Variants in UGT2A3 observed in about 807,000 individuals in gnomAD.
UGT2A3 encodes UDP-glucuronosyltransferase 2A3.
Under a neutral mutation model 44.1 loss-of-function variants are expected in UGT2A3, and 55 were observed. That is an observed-to-expected ratio of 1.25 (90% confidence interval 1.00 to 1.56). The LOEUF (loss-of-function observed/expected upper bound fraction) is 1.56. Among genes scored for constraint, UGT2A3 ranks in the 40% most tolerant of loss-of-function variants. UGT2A3 has a pLI of 0.00. For missense variants in UGT2A3, 733 were observed against 621.6 expected (o/e 1.18, Z -1.91); for synonymous variants, 243 against 215.1 (o/e 1.13, Z -1.13).
intron 2 of UGT2A3, among the ~76,000 whole-genome samples, chr4:68,939,248 C>T (rs559279728): frequency 2.6e-5 from 4 of 152,194 alleles, no homozygotes; most frequent in East Asian, 1.9e-4. Context: ...CAAGACAATC[C>T]TAAGCAAAAA....
At chr4:68,944,110 G>A (rs2109791641) in intron 2 of UGT2A3, among the ~76,000 whole-genome samples, 1 of 151,900 alleles carries the variant, frequency 6.6e-6, no homozygotes, top group African/African-American at 2.4e-5. Context: ...GTTATTTTAT[G>A]TGTTTGGTTA....
At chr4:68,950,539 A>G (rs1396294139) in intron 1 of UGT2A3, among the ~76,000 whole-genome samples, 1 of 151,870 alleles carries the variant, frequency 6.6e-6, no homozygotes, top group Non-Finnish European at 1.5e-5. Context: ...CTACTATCTT[A>G]TGCCCCACAA....
At position 68,932,753 on chromosome 4, in the gene UGT2A3, C is replaced by T. The variant is rs149346287; in HGVS notation, c.871G>A (p.Glu291Lys). 6.2e-7 allele frequency: 1 copy of T among 1,604,016 alleles called. No homozygotes were observed. Among genetic ancestry groups the T allele is most frequent in the Non-Finnish European group, 8.5e-7 (1 of 1,175,072 alleles). Residue 291 changes from glutamate (E) to lysine (K), a missense_variant, in exon 3 of 6, where the codon GAA (glutamate) becomes AAA (lysine). Transcript: ENST00000251566. ...TCCCCTGAACTCTGGACAAAATTTT[C>T]CATTTCCTGAAGATAAAAATTTATC... is the stretch of plus-strand genomic sequence containing the variant. ...KPAKALPKEMENFVQSSGEDG... is the reference protein window; with the variant it reads ...KPAKALPKEMKNFVQSSGEDG...
At position 68,951,301 on chromosome 4, in the gene UGT2A3, A is replaced by G. The variant is rs762309938; in HGVS notation, c.460T>C (p.Cys154Arg). Residue 154 changes from cysteine (C) to arginine (R), a missense_variant, in exon 1 of 6, where the codon TGT (cysteine) becomes CGT (arginine). Transcript: ENST00000251566. ...AGCAACTCAGCCATCAGGTCTCCAC[A>G]GGGAATCACAGGGTCTATAAGCATT... ...DVMLIDPVIP[C>R]GDLMAELLAV... The G allele has an allele frequency of 3.1e-6, 5 of 1,612,398 alleles. No individual in the cohort carries two copies. Among genetic ancestry groups the G allele is most frequent in the Admixed American group, 3.3e-5 (2 of 59,774 alleles).
At chr4:68,947,750 T>C (rs1174768606) in intron 1 of UGT2A3, among the ~76,000 whole-genome samples, 2 of 151,936 alleles carry the variant, frequency 1.3e-5, no homozygotes, top group Non-Finnish European at 2.9e-5. Flanking sequence ...AGGCAAACAT[T>C]AATATCTGTA....
At chr4:68,948,442 T>C (rs1408527016) in intron 1 of UGT2A3, among the ~76,000 whole-genome samples, 3 of 110,794 alleles carry the variant, frequency 2.7e-5, no homozygotes, top group Non-Finnish European at 6.1e-5. Context: ...TTTTTTTCTT[T>C]TTTTTTTTTT....
intron 3 of UGT2A3, 123 bp from the exon 4 acceptor site, chr4:68,931,365 T>G: frequency 1.4e-6 from 1 of 689,798 alleles, no homozygotes; most frequent in Non-Finnish European, 2.4e-6. Flanking sequence ...CAGGGGTGTG[T>G]AGAGCTACCG....
chr4:68,941,086 T>A (rs1206272281), intron 2 of UGT2A3, among the ~76,000 whole-genome samples: 2 of 151,702 alleles, frequency 1.3e-5, no homozygotes, highest in Admixed American at 1.3e-4. Flanking sequence ...AAGAGCTAGT[T>A]GTTTTACAAA....
At chr4:68,936,074 A>C (rs1448672239) in intron 2 of UGT2A3, among the ~76,000 whole-genome samples, 1 of 152,150 alleles carries the variant, frequency 6.6e-6, no homozygotes, top group Non-Finnish European at 1.5e-5. Flanking sequence ...GAAAAGACCA[A>C]ATATATGTTT....
intron 1 of UGT2A3, among the ~76,000 whole-genome samples, chr4:68,949,974 C>A (rs1718519426): frequency 6.6e-6 from 1 of 151,886 alleles, no homozygotes; most frequent in African/African-American, 2.4e-5. Context: ...GGAAAATGCT[C>A]TTTCACCCCT....
intron 2 of UGT2A3, among the ~76,000 whole-genome samples, chr4:68,940,705 T>C (rs549988925): frequency 1.4e-5 from 2 of 147,990 alleles, no homozygotes; most frequent in Non-Finnish European, 3.0e-5. Flanking sequence ...TATATATATA[T>C]AAAACTTAAA....
intron 1 of UGT2A3, 45 bp downstream of exon 1, chr4:68,951,001 A>C: frequency 7.4e-7 from 1 of 1,347,454 alleles, no homozygotes. Flanking sequence ...TTTTAAAAAT[A>C]TTTCTTTTGA....
intron 1 of UGT2A3, among the ~76,000 whole-genome samples, chr4:68,949,099 A>G (rs1718488629): frequency 6.6e-6 from 1 of 151,796 alleles, no homozygotes; most frequent in Admixed American, 6.6e-5. Context: ...CAGGGAGAGC[A>G]TTAATGTACT....
At chr4:68,932,137 G>T (rs1325227567) in intron 3 of UGT2A3, among the ~76,000 whole-genome samples, 3 of 151,786 alleles carry the variant, frequency 2.0e-5, no homozygotes, top group African/African-American at 4.8e-5. Context: ...TACTATAATT[G>T]TAATTGACAT....
intron 5 of UGT2A3, 42 bp downstream of exon 5, chr4:68,930,504 A>G (rs753200833): frequency 1.3e-6 from 2 of 1,515,530 alleles, no homozygotes; most frequent in South Asian, 2.6e-5. Flanking sequence ...AATGTATAAC[A>G]TAGTCAATGT....
intron 2 of UGT2A3, among the ~76,000 whole-genome samples, chr4:68,933,925 G>C (rs1324970428): frequency 6.6e-6 from 1 of 151,896 alleles, no homozygotes; most frequent in Admixed American, 6.6e-5. Context: ...GAATCCTCAG[G>C]GCAGTGATTC....
intron 2 of UGT2A3, among the ~76,000 whole-genome samples, chr4:68,935,310 A>G (rs1717902484): frequency 8.1e-6 from 1 of 123,990 alleles, no homozygotes; most frequent in Non-Finnish European, 1.7e-5. Context: ...ATATATATAT[A>G]TATATATGCA....
chr4:68,945,877 T>C (rs1467982762), intron 1 of UGT2A3, among the ~76,000 whole-genome samples: 6 of 151,692 alleles, frequency 4.0e-5, no homozygotes, highest in Non-Finnish European at 7.4e-5. Context: ...GATAAATGAG[T>C]ACCACAATAT....
rs1717974997 is a variant in UGT2A3, at chr4:68,936,895, A to AAC, written c.865-4137_865-4136insGT. ...TACAAAGTAAATGGAAAGCAAAAAA[A>AAC]AAAAAAAAAAAAAAGCAGAGGTTGC... On this transcript the variant is annotated intron_variant, in intron 2 of 5. Transcript: ENST00000251566. 1.4e-5 allele frequency among the ~76,000 whole-genome samples: 2 copies of AAC among 146,784 alleles called. 1 individual carries two copies. The highest frequency in any genetic ancestry group is 3.0e-5 in the Non-Finnish European group (2 of 66,344).
Sources: gnomAD v4.1 joint callset for allele counts (sites outside exome capture counted in the v4.1 genomes callset) on GRCh38, gnomAD v4.1.1 for gene constraint, MANE v1.5 for transcripts, NCBI Gene and HGNC (gene_info 2026-07-23, HGNC 2026-07-21) for gene names.